Variants in RAD54L2 observed in about 807,000 individuals in gnomAD.
RAD54L2 encodes helicase ARIP4.
A neutral mutation model predicts 138.4 loss-of-function variants in RAD54L2; 27 were observed. That is an observed-to-expected ratio of 0.20 (90% CI 0.14 to 0.27). The LOEUF is 0.27. Ranked by LOEUF, RAD54L2 falls within the 10% of genes least tolerant of loss-of-function variation. The pLI is 1.00. For synonymous variants in RAD54L2, 644 were observed against 723.2 expected, an observed-to-expected ratio of 0.89 and a Z score of 1.76; for missense variants, 1,396 against 1,890.2, an observed-to-expected ratio of 0.74 and a Z score of 4.85.
chr3:51,544,842 C>T (rs758005325), intron 2 of RAD54L2, among the ~76,000 whole-genome samples: 1 of 152,112 alleles, frequency 6.6e-6, no homozygotes, highest in Non-Finnish European at 1.5e-5. Context: ...CTCAAGTGAT[C>T]TGCCCATCTT....
At chr3:51,644,998 T>C in intron 16 of RAD54L2, 26 bp from the exon 17 acceptor site, 1 of 1,611,954 alleles carries the variant, frequency 6.2e-7, no homozygotes, top group Non-Finnish European at 8.5e-7. Context: ...CTAAAGGCTC[T>C]GTGATTGTTG....
chr3:51,622,396 G>A (rs1700586173), intron 3 of RAD54L2, among the ~76,000 whole-genome samples: 1 of 152,120 alleles, frequency 6.6e-6, no homozygotes, highest in Non-Finnish European at 1.5e-5. Context: ...CGGTGGTAAT[G>A]GAGAAAGGAG....
intron 19 of RAD54L2, among the ~76,000 whole-genome samples, chr3:51,653,728 C>T (rs1489620923): frequency 6.6e-6 from 1 of 151,988 alleles, no homozygotes; most frequent in East Asian, 1.9e-4. Flanking sequence ...GGGAATTGAA[C>T]AATGAGAACA....
chr3:51,539,399 ATT>A (rs782444639), intron 1 of RAD54L2, among the ~76,000 whole-genome samples: 7 of 152,258 alleles, frequency 4.6e-5, no homozygotes, highest in Admixed American at 2.0e-4. Context: ...CAGAAGAGGC[ATT>A]GAGAGTTTAG....
chr3:51,611,114 T>C (rs1016305779), intron 3 of RAD54L2, among the ~76,000 whole-genome samples: 25 of 151,994 alleles, frequency 1.6e-4, no homozygotes, highest in Middle Eastern at 6.8e-3. Flanking sequence ...TTTTTTTTTT[T>C]CCCTTAGAGA....
intron 2 of RAD54L2, among the ~76,000 whole-genome samples, chr3:51,565,861 C>G (rs1699204763): frequency 8.1e-6 from 1 of 124,072 alleles, no homozygotes; most frequent in Non-Finnish European, 1.6e-5. Flanking sequence ...CGGAGTCTTG[C>G]TCTGTCACCC....
At position 51,662,342 on chromosome 3, in the gene RAD54L2, GA is replaced by G; in HGVS notation, c.3410-83del. 7.5e-7 allele frequency: 1 copy of G among 1,328,518 alleles called. No homozygotes were observed. The highest frequency in any genetic ancestry group is 2.7e-5 in the Admixed American group (1 of 37,430). 82.3% of individuals were successfully genotyped at this position (1,328,518 alleles called of 1,614,324 possible). A position where few individuals can be genotyped will look rare whatever the true frequency, so the allele number is the denominator to read the frequency against. Reference sequence around the variant, plus strand: ...TAGAATTTTGGGGACTACAGGACAGGATTTTTTTTAATGGAGTTTTCTCCTC... The same window carrying G: ...TAGAATTTTGGGGACTACAGGACAGGTTTTTTTTAATGGAGTTTTCTCCTC... On this transcript the variant is annotated intron_variant, in intron 22 of 22. Coordinates refer to ENST00000684192, the MANE Select transcript of RAD54L2 (RefSeq NM_015106.4). This position sits in a 1 kb window ranked among gnomAD's most constrained non-coding sequence, Gnocchi z 4.6.
rs2106815512 is a variant in RAD54L2 at position 51,639,907 on chromosome 3, G to T, written c.2139G>T (p.Gln713His). The T allele has an allele frequency of 6.2e-7, 1 of 1,610,604 alleles. No homozygotes were observed. The highest frequency in any genetic ancestry group is 1.1e-5 in the South Asian group (1 of 90,472). Residue 713 changes from glutamine (Q) to histidine (H), a missense_variant, in exon 14 of 23, where the codon CAG (glutamine) becomes CAT (histidine). Physicochemically the swap from Gln to His is conservative, Grantham distance 24 (BLOSUM62 0). This residue lies in a region of RAD54L2 where 211 missense variants were observed against 273.8 expected (regional missense o/e 0.77). Transcript: ENST00000684192. Reference protein sequence around the residue: ...EWAKDLLTNYQTGVLENSPKM... With the variant: ...EWAKDLLTNYHTGVLENSPKM... Reference sequence around the variant, plus strand: ...CCAAGGACCTTCTGACTAATTACCAGACTGGAGTCCTAGAAAACTCTCCCA... The same window carrying T: ...CCAAGGACCTTCTGACTAATTACCATACTGGAGTCCTAGAAAACTCTCCCA...
intron 2 of RAD54L2, among the ~76,000 whole-genome samples, chr3:51,565,546 G>A (rs1410736553): frequency 6.6e-6 from 1 of 152,148 alleles, no homozygotes; most frequent in Non-Finnish European, 1.5e-5. Context: ...TGCCGTCTCA[G>A]CTTATTGCAG....
At chr3:51,570,984 G>A (rs545881182) in intron 2 of RAD54L2, among the ~76,000 whole-genome samples, 167 of 152,126 alleles carry the variant, frequency 1.1e-3, no homozygotes, top group African/African-American at 4.0e-3. Context: ...ACCGTGCCTG[G>A]CTAATTTTTG....
chr3:51,584,547 A>G (rs1373068235), intron 2 of RAD54L2, among the ~76,000 whole-genome samples: 1 of 151,498 alleles, frequency 6.6e-6, no homozygotes, highest in East Asian at 1.9e-4. Context: ...GAACTTTAAC[A>G]GTCCATAGTG....
At chr3:51,604,707 T>C (rs371274197) in intron 3 of RAD54L2, among the ~76,000 whole-genome samples, 27 of 152,278 alleles carry the variant, frequency 1.8e-4, no homozygotes, top group African/African-American at 6.0e-4. Context: ...GCATTGCTGA[T>C]GGGCTGGACC....
intron 4 of RAD54L2, 69 bp downstream of exon 4, chr3:51,627,823 A>G: frequency 5.2e-6 from 8 of 1,543,224 alleles, no homozygotes; most frequent in Admixed American, 1.7e-5. Flanking sequence ...AAGGCTGTCA[A>G]TAGCAAAAAG....
chr3:51,556,145 A>G (rs567420318), intron 2 of RAD54L2, among the ~76,000 whole-genome samples: 3 of 152,298 alleles, frequency 2.0e-5, no homozygotes, highest in African/African-American at 7.2e-5. Flanking sequence ...CATAAACGAT[A>G]GGACCACAGT....
At chr3:51,548,990 A>AT (rs1374618987) in intron 2 of RAD54L2, among the ~76,000 whole-genome samples, 57 of 150,662 alleles carry the variant, frequency 3.8e-4, no homozygotes, top group African/African-American at 1.4e-3. Context: ...TGCCCGGCTA[A>AT]TTTTTTTGTA....
In RAD54L2 at chr3:51,635,797, GC is replaced by G; in HGVS notation, c.1339+10del. 1 of 1,602,322 alleles carries G rather than the reference GC, an allele frequency of 6.2e-7. No homozygotes were observed. ...AGCAGGAGTTTCGGAGAGGTGGGCA[GC>G]CTATCCCAGGAATACTCTTGTTGGT... On this transcript the variant is annotated intron_variant, in intron 10 of 22. Transcript: ENST00000684192.
chr3:51,558,734 G>T (rs1409283571), intron 2 of RAD54L2, among the ~76,000 whole-genome samples: 2 of 152,034 alleles, frequency 1.3e-5, no homozygotes, highest in African/African-American at 4.8e-5. Flanking sequence ...GCCTCCCAAA[G>T]TGCTGGGATT....
intron 2 of RAD54L2, among the ~76,000 whole-genome samples, chr3:51,546,516 T>C (rs1352619909): frequency 2.0e-5 from 3 of 151,864 alleles, no homozygotes; most frequent in African/African-American, 7.3e-5. Context: ...GGCACATGCC[T>C]GTAATCTCAG....
rs200398242 is a variant in RAD54L2, at chr3:51,629,456, C to T, written c.464C>T (p.Pro155Leu). The change falls in exon 5 of 23, where the codon CCG becomes CTG. Residue 155 changes from proline to leucine, a missense_variant. Pro to Leu is a moderately conservative substitution (Grantham distance 98). This residue lies in a region of RAD54L2 where 256 missense variants were observed against 344.6 expected (regional missense o/e 0.74). Coordinates refer to ENST00000684192, the MANE Select transcript of RAD54L2 (RefSeq NM_015106.4). ...TATGCAGCCCCTATTCCTACTGTTC[C>T]GCTGGAGTTCCTCCCTGGTAAGCAG... ...KDYAAPIPTV[P>L]LEFLPEEIAL... 5.0e-6 allele frequency: 8 copies of T among 1,612,610 alleles called. No individual in the cohort carries two copies. Among genetic ancestry groups the T allele is most frequent in the Admixed American group, 3.3e-5 (2 of 59,846 alleles).
Sources: allele counts gnomAD v4.1 joint callset (sites outside exome capture counted in the v4.1 genomes callset), GRCh38; gene constraint gnomAD v4.1.1; regional missense constraint gnomAD v4.1.1; non-coding constraint Gnocchi (gnomAD v3.1); transcripts MANE v1.5; gene names NCBI Gene and HGNC (gene_info 2026-07-23, HGNC 2026-07-21).